The following BLTP1 variants were observed in gnomAD, a reference collection of about 807,000 sequenced individuals.
The protein encoded by BLTP1 is fragile site-associated protein.
At chr4:122,233,367 A>G in the BLTP1 span, among the ~76,000 whole-genome samples, 1 of 152,202 alleles carries the variant, frequency 6.6e-6, no homozygotes, top group Non-Finnish European at 1.5e-5. Flanking sequence ...AGATGAGGAA[A>G]CTGAGGCTCA....
chr4:122,254,825 C>T, the BLTP1 span: 6 of 1,598,434 alleles, frequency 3.8e-6, no homozygotes, highest in Non-Finnish European at 4.3e-6. Context: ...CTTTTAAGCA[C>T]TGCAACACCA....
At chr4:122,314,689 GC>G in the BLTP1 span, among the ~76,000 whole-genome samples, 1 of 152,182 alleles carries the variant, frequency 6.6e-6, no homozygotes, top group African/African-American at 2.4e-5. Flanking sequence ...ACCTTAGAAA[GC>G]ACCAAGGCCT....
the BLTP1 span, chr4:122,316,437 A>G: frequency 2.1e-6 from 1 of 483,148 alleles, no homozygotes; most frequent in Non-Finnish European, 4.3e-6. Context: ...TGACACCCCC[A>G]AATCAGCGCC....
the BLTP1 span, among the ~76,000 whole-genome samples, chr4:122,275,284 TG>T: frequency 6.6e-6 from 1 of 152,130 alleles, no homozygotes; most frequent in Non-Finnish European, 1.5e-5. Flanking sequence ...ACTGCAATTT[TG>T]GGAACTGGAG....
chr4:122,270,138 A>G, the BLTP1 span, among the ~76,000 whole-genome samples: 1 of 152,064 alleles, frequency 6.6e-6, no homozygotes, highest in South Asian at 2.1e-4. Flanking sequence ...CTGTGAGTTT[A>G]TGCATTTACA....
chr4:122,318,241 C>T, the BLTP1 span: 4 of 1,610,424 alleles, frequency 2.5e-6, no homozygotes, highest in Admixed American at 1.7e-5. Context: ...AAGAGATGTT[C>T]GTAAAAAATT....
the BLTP1 span, among the ~76,000 whole-genome samples, chr4:122,186,806 A>G: frequency 1.3e-5 from 2 of 152,128 alleles, no homozygotes; most frequent in East Asian, 3.9e-4. Context: ...ATAGAGTTTT[A>G]TTGGGACATA....
chr4:122,208,390 C>T, the BLTP1 span: 2 of 984,816 alleles, frequency 2.0e-6, no homozygotes, highest in South Asian at 9.4e-5. Flanking sequence ...AACTAGTCAT[C>T]AAGATGAACA....
chr4:122,235,497 C>T, the BLTP1 span: 4 of 981,006 alleles, frequency 4.1e-6, no homozygotes, highest in Non-Finnish European at 4.8e-6. Flanking sequence ...AAAAGAACTC[C>T]AGTCTTAGAA....
chr4:122,163,169 A>T, the BLTP1 span, among the ~76,000 whole-genome samples: 1 of 152,194 alleles, frequency 6.6e-6, no homozygotes, highest in Admixed American at 6.5e-5. Context: ...ATTCAAGGGT[A>T]TATAGTTTAT....
the BLTP1 span, chr4:122,263,592 T>G: frequency 6.3e-7 from 1 of 1,596,742 alleles, no homozygotes; most frequent in African/African-American, 1.3e-5. Context: ...CACAATAGTC[T>G]TCCCACAGGT....
the BLTP1 span, chr4:122,261,817 T>C: frequency 1.0e-6 from 1 of 984,748 alleles, no homozygotes; most frequent in African/African-American, 1.7e-5. Flanking sequence ...GTTTAATACG[T>C]TGTGAGTGTT....
At chr4:122,325,591 T>A in the BLTP1 span, 1 of 1,139,556 alleles carries the variant, frequency 8.8e-7, no homozygotes, top group Non-Finnish European at 1.1e-6. Flanking sequence ...TTTTGTTGAA[T>A]AATTTTTCTT....
chr4:122,207,391 A>G, the BLTP1 span: 1 of 1,396,062 alleles, frequency 7.2e-7, no homozygotes, highest in Non-Finnish European at 9.5e-7. Context: ...TATCTTTGTG[A>G]GACTCTCAGA....
At chr4:122,219,568 G>C in the BLTP1 span, 3 of 1,610,866 alleles carry the variant, frequency 1.9e-6, no homozygotes, top group Non-Finnish European at 2.5e-6. Context: ...TCTTCCTGTT[G>C]TAAGTGTTTA....
At chr4:122,338,304 C>CA in the BLTP1 span, among the ~76,000 whole-genome samples, 25 of 148,550 alleles carry the variant, frequency 1.7e-4, no homozygotes, top group East Asian at 7.9e-4. Flanking sequence ...CCATCTCTAC[C>CA]AAAAAAAAAT....
chr4:122,169,917 A>T, the BLTP1 span: 1 of 984,914 alleles, frequency 1.0e-6, no homozygotes. Context: ...TATCTAGCTT[A>T]ATATGATAAT....
the BLTP1 span, chr4:122,174,793 C>A: frequency 1.5e-6 from 1 of 683,066 alleles, no homozygotes; most frequent in Non-Finnish European, 2.3e-6. Flanking sequence ...GTAAATCATA[C>A]TTGATGAATT....
At chr4:122,241,255 C>T in the BLTP1 span, among the ~76,000 whole-genome samples, 1 of 151,982 alleles carries the variant, frequency 6.6e-6, no homozygotes, top group African/African-American at 2.4e-5. Context: ...TTCCTAAAGC[C>T]CTGAAGAGGG....
Sources: gnomAD v4.1 joint callset for allele counts (sites outside exome capture counted in the v4.1 genomes callset) on GRCh38, gnomAD v4.1.1 for gene constraint, MANE v1.5 for transcripts, NCBI Gene and HGNC (gene_info 2026-07-23, HGNC 2026-07-21) for gene names.